Variants in REPS1 observed in about 807,000 individuals in gnomAD.
REPS1 encodes ralBP1-associated Eps domain-containing protein 1.
REPS1 carries 39 observed loss-of-function variants against 100.9 expected under a neutral mutation model. The ratio of observed to expected loss-of-function variants is 0.39; its 90% CI spans 0.30 to 0.50. The LOEUF is 0.50. Among genes scored for constraint, REPS1 ranks in the 20% least tolerant of loss-of-function variants. The pLI is 0.86. For missense variants in REPS1, 821 were observed against 968.5 expected, an observed-to-expected ratio of 0.85 and a Z score of 2.02; for synonymous variants, 324 against 340.3, an observed-to-expected ratio of 0.95 and a Z score of 0.53.
chr6:138,937,913 T>C (rs756636035), intron 8 of REPS1, among the ~76,000 whole-genome samples: 1 of 152,096 alleles, frequency 6.6e-6, no homozygotes, highest in African/African-American at 2.4e-5. Flanking sequence ...CAGAAGTACA[T>C]GTAAAATTGC....
chr6:138,973,910 T>C (rs536339126), intron 1 of REPS1, among the ~76,000 whole-genome samples: 4 of 152,240 alleles, frequency 2.6e-5, no homozygotes, highest in Non-Finnish European at 4.4e-5. Flanking sequence ...AGATAAATCA[T>C]GTTCACTCAT....
rs192630629 is a variant in REPS1 at position 138,968,960 on chromosome 6, C to T, written c.153+18570G>A. On this transcript the variant is annotated intron_variant, in intron 1 of 19. Coordinates refer to ENST00000450536, the MANE Select transcript of REPS1 (RefSeq NM_001286611.2). Reference sequence around the variant, plus strand: ...GTGCAAGAATTGGGTACACATCTCACTCTTTGGGGAACAAAACATAAGGCT... The same window carrying T: ...GTGCAAGAATTGGGTACACATCTCATTCTTTGGGGAACAAAACATAAGGCT... Among the ~76,000 whole-genome samples the T allele has an allele frequency of 5.3e-5, 8 of 152,304 alleles. No homozygotes were observed. The East Asian group carries it at 1.5e-3, about 29-fold the overall frequency.
intron 16 of REPS1, 140 bp downstream of exon 16, chr6:138,912,625 A>C: frequency 1.3e-6 from 1 of 772,534 alleles, no homozygotes; most frequent in Non-Finnish European, 2.2e-6. Context: ...CAGATATTGG[A>C]GGCCAATAAA....
chr6:138,964,643 A>G (rs1363337015), intron 1 of REPS1, among the ~76,000 whole-genome samples: 1 of 152,054 alleles, frequency 6.6e-6, no homozygotes, highest in Admixed American at 6.6e-5. Context: ...TTTTAAAAAT[A>G]GACAAGAAAA....
At position 138,908,676 on chromosome 6, in the gene REPS1, A is replaced by G. The variant is rs763826870; in HGVS notation, c.2208T>C (p.Ser736=). ...GGAATAGCTTTGATTACCTGGGAAT[A>G]GAAGGTTGTGATGCAAGAACAGCAG... ...VLAAVLASQP[S]IPRSVGKDKK... The change falls in exon 18 of 20, where the codon TCT becomes TCC. Residue 736 remains serine (S), a synonymous_variant. Coordinates refer to ENST00000450536, the MANE Select transcript of REPS1 (RefSeq NM_001286611.2). 6.2e-7 allele frequency: 1 copy of G among 1,614,158 alleles called. No homozygotes were observed. Among genetic ancestry groups the G allele is most frequent in the Non-Finnish European group, 8.5e-7 (1 of 1,179,998 alleles).
rs1198305948 is a variant in REPS1 at position 138,926,483 on chromosome 6, T to G, written c.1258-2A>C. On this transcript the variant is annotated splice_acceptor_variant, in intron 9 of 19. Transcript: ENST00000450536. LOFTEE classifies it high-confidence loss of function. Reference sequence around the variant, plus strand: ...GCGTTCACTAAATGTCTCCCACTGCTGAACAGACAGAGGAGAGACAAGTCA... The same window carrying G: ...GCGTTCACTAAATGTCTCCCACTGCGGAACAGACAGAGGAGAGACAAGTCA... 6.2e-7 allele frequency: 1 copy of G among 1,605,966 alleles called. No individual in the cohort carries two copies.
Position 138,910,866 on chromosome 6 carries a change from A to T in REPS1, c.2067+410T>A, listed in dbSNP as rs114158934. The T allele has an allele frequency of 8.8e-3, 1,373 of 155,492 alleles. 15 individuals carry two copies. The highest frequency in any genetic ancestry group is 0.031 in the African/African-American group (1,299 of 41,592). The allele number at this position is 155,492 out of a possible 1,614,324, so 9.6% of individuals were successfully genotyped here. On this transcript the variant is annotated intron_variant, in intron 17 of 19. Transcript: ENST00000450536. ...ATTGTTTCAATTTTTCTGTATGCTT[A>T]AACGTTTTCATAATAAAATGTTGGG...
chr6:138,959,601 T>C (rs961850736), intron 1 of REPS1, among the ~76,000 whole-genome samples: 2 of 152,180 alleles, frequency 1.3e-5, no homozygotes, highest in African/African-American at 4.8e-5. Context: ...TCAGTGGGCA[T>C]GCTATGTTTT....
intron 1 of REPS1, among the ~76,000 whole-genome samples, chr6:138,959,405 TG>T (rs759677712): frequency 7.2e-5 from 11 of 152,158 alleles, no homozygotes; most frequent in Non-Finnish European, 1.6e-4. Context: ...ACGAATGCAT[TG>T]GAACTATACA....
chr6:138,905,481 C>T (rs558791877), intron 19 of REPS1, among the ~76,000 whole-genome samples: 37 of 146,900 alleles, frequency 2.5e-4, no homozygotes, highest in African/African-American at 8.5e-4. Context: ...TTAGTAGAGA[C>T]GGGGTTTCAC....
intron 1 of REPS1, among the ~76,000 whole-genome samples, chr6:138,982,349 TA>T (rs1242398734): frequency 6.6e-6 from 1 of 152,248 alleles, no homozygotes; most frequent in Non-Finnish European, 1.5e-5. Flanking sequence ...ACAAATGATC[TA>T]AAGATTTTCA....
Position 138,987,952 on chromosome 6 carries a change from G to T in REPS1, c.-270C>A. 2.6e-6 allele frequency: 1 copy of T among 379,044 alleles called. No individual in the cohort carries two copies. The highest frequency in any genetic ancestry group is 4.7e-6 in the Non-Finnish European group (1 of 214,982). 23.5% of individuals were successfully genotyped at this position (379,044 alleles called of 1,614,324 possible). A position where few individuals can be genotyped will look rare whatever the true frequency, so the allele number is the denominator to read the frequency against. ...CGACTACGGCTCCGGCTCCGGCTCC[G>T]GCTCCGGCCGCGGGGAGGGTGCAGA... On this transcript the variant is annotated 5_prime_UTR_variant, in exon 1 of 20. Transcript: ENST00000450536.
At chr6:138,921,539 T>C (rs1415223122) in intron 10 of REPS1, among the ~76,000 whole-genome samples, 1 of 145,480 alleles carries the variant, frequency 6.9e-6, no homozygotes, top group Non-Finnish European at 1.5e-5. Flanking sequence ...TAGTCCCAGC[T>C]ACTCGGGGAT....
intron 1 of REPS1, among the ~76,000 whole-genome samples, chr6:138,959,533 G>A (rs12332961): frequency 0.15 from 22,537 of 152,080 alleles, 1,757 homozygotes; most frequent in African/African-American, 0.17. Flanking sequence ...TTAAAAATGA[G>A]AAGTTTATTC....
intron 1 of REPS1, among the ~76,000 whole-genome samples, chr6:138,954,642 T>C (rs569869835): frequency 3.2e-4 from 49 of 152,282 alleles, no homozygotes; most frequent in African/African-American, 1.1e-3. Context: ...TCACATTATA[T>C]ATTTGAAACA....
Position 138,930,002 on chromosome 6 carries a change from C to T in REPS1, c.1232G>A (p.Trp411Ter). 6.2e-7 allele frequency: 1 copy of T among 1,613,646 alleles called. No homozygotes were observed. The highest frequency in any genetic ancestry group is 8.5e-7 in the Non-Finnish European group (1 of 1,179,684). ...CTCACTGCTCTGATTCAGCTCAGGC[C>T]ATGTCTGGTTTAGTGATGGCATCGA... ...SPSMPSLNQT[W>*]PELNQSSEQW... is the part of the protein sequence containing the mutation. Residue 411 changes from tryptophan (W) to a stop codon, truncating the protein, a stop_gained, in exon 9 of 20, where the codon TGG (tryptophan) becomes TAG (stop). Transcript: ENST00000450536. LOFTEE classifies it high-confidence loss of function.
In REPS1 at chr6:138,943,664, G is replaced by A; in HGVS notation, c.917-88C>T. ...TAAGAGTCTTAGACTTTTTTAACTGGGAAAAGATATTTTTAATATGTGAAT... is the reference window on the plus strand; with the variant it reads ...TAAGAGTCTTAGACTTTTTTAACTGAGAAAAGATATTTTTAATATGTGAAT... On this transcript the variant is annotated intron_variant, in intron 6 of 19. Coordinates refer to ENST00000450536, the MANE Select transcript of REPS1 (RefSeq NM_001286611.2). 3.6e-6 allele frequency: 4 copies of A among 1,105,230 alleles called. No individual in the cohort carries two copies. The South Asian group carries it at 4.9e-5, about 13-fold the overall frequency. The allele number at this position is 1,105,230 out of a possible 1,614,324, so 68.5% of individuals were successfully genotyped here. A position where few individuals can be genotyped will look rare whatever the true frequency, so the allele number is the denominator to read the frequency against.
In REPS1 at chr6:138,908,650, A is replaced by G. The variant is rs749354441; in HGVS notation, c.2216+18T>C. On this transcript the variant is annotated intron_variant, in intron 18 of 19. Coordinates refer to ENST00000450536, the MANE Select transcript of REPS1 (RefSeq NM_001286611.2). ...TTCTTCCTAGTAATTAAATGTGTCT[A>G]GGAATAGCTTTGATTACCTGGGAAT... 1.9e-6 allele frequency: 3 copies of G among 1,613,588 alleles called. No homozygotes were observed. Among genetic ancestry groups the G allele is most frequent in the Non-Finnish European group, 2.5e-6 (3 of 1,179,610 alleles).
At position 138,904,488 on chromosome 6, in the gene REPS1, T is replaced by A. The variant is rs187311891; in HGVS notation, c.*576A>T. On this transcript the variant is annotated 3_prime_UTR_variant, in exon 20 of 20. Coordinates refer to ENST00000450536, the MANE Select transcript of REPS1 (RefSeq NM_001286611.2). ...ACATTTCCACAAGGAAAATATAAAATCTCACATGTTTGTATTTGTCACAAG... is the reference window on the plus strand; with the variant it reads ...ACATTTCCACAAGGAAAATATAAAAACTCACATGTTTGTATTTGTCACAAG... 1 of 152,266 alleles carries A rather than the reference T, an allele frequency of 6.6e-6. No homozygotes were observed. The allele number at this position is 152,266 out of a possible 1,614,324, so 9.4% of individuals were successfully genotyped here. A position where few individuals can be genotyped will look rare whatever the true frequency, so the allele number is the denominator to read the frequency against.
Sources: allele counts gnomAD v4.1 joint callset (sites outside exome capture counted in the v4.1 genomes callset), GRCh38; gene constraint gnomAD v4.1.1; transcripts MANE v1.5; gene names NCBI Gene and HGNC (gene_info 2026-07-23, HGNC 2026-07-21).